STK32B: variants seen among roughly 807,000 people sequenced by gnomAD.
STK32B encodes the protein serine/threonine kinase 32B.
A neutral mutation model predicts 52.6 loss-of-function variants in STK32B; 43 were observed. That is an observed-to-expected ratio of 0.82 (90% CI 0.64 to 1.05). The LOEUF is 1.05. STK32B is among the 50% of genes least tolerant of loss of function. STK32B has a pLI of 0.00. For synonymous variants in STK32B, 238 were observed against 204.3 expected, an observed-to-expected ratio of 1.17 and a Z score of -1.41; for missense variants, 621 against 534.6, an observed-to-expected ratio of 1.16 and a Z score of -1.59.
chr4:5,099,676 A>T (rs1713617203), intron 1 of STK32B, among the ~76,000 whole-genome samples: 1 of 152,174 alleles, frequency 6.6e-6, no homozygotes, highest in African/African-American at 2.4e-5. Context: ...TTGGGAGAAC[A>T]TTCTAGGCAG....
At chr4:5,306,790 CA>C (rs1418579086) in intron 3 of STK32B, among the ~76,000 whole-genome samples, 1 of 152,104 alleles carries the variant, frequency 6.6e-6, no homozygotes, top group Non-Finnish European at 1.5e-5. Context: ...GGATTTGTTT[CA>C]AGATTTAGAG....
In STK32B at chr4:5,099,208, C is replaced by A. The variant is rs561720650; in HGVS notation, c.53-40697C>A. 2.6e-5 allele frequency among the ~76,000 whole-genome samples: 4 copies of A among 152,256 alleles called. No individual in the cohort carries two copies. The East Asian group carries it at 5.8e-4, about 22-fold the overall frequency. On this transcript the variant is annotated intron_variant, in intron 1 of 11. Coordinates refer to ENST00000282908, the MANE Select transcript of STK32B (RefSeq NM_018401.3). ...CCCATCACGCTGACTCAGACCCTTA[C>A]AATTCCATGGGGTCCACTCAAATAA...
chr4:5,499,036 A>G lies in STK32B; in HGVS notation c.1198A>G (p.Asn400Asp), dbSNP rs1560100704. 4 of 1,613,722 alleles carry G rather than the reference A, an allele frequency of 2.5e-6. No homozygotes were observed. Among genetic ancestry groups the G allele is most frequent in the Non-Finnish European group, 3.4e-6 (4 of 1,179,776 alleles). The change falls in exon 12 of 12, where the codon AAC becomes GAC. Residue 400 changes from asparagine to aspartate, a missense_variant. Physicochemically the swap from Asn to Asp is conservative, Grantham distance 23. Transcript: ENST00000282908. ...CCAAAGCAAGCTCCAGGACGGGTGC[A>G]ACAACAACCTCCTCACCCACACCTG... ...QAQSKLQDGC[N>D]NNLLTHTCTR...
chr4:5,134,020 C>G (rs1715923620), intron 1 of STK32B, among the ~76,000 whole-genome samples: 2 of 152,166 alleles, frequency 1.3e-5, no homozygotes, highest in Non-Finnish European at 2.9e-5. Context: ...CATGGCCTGA[C>G]TCTCTCCCCA....
intron 3 of STK32B, among the ~76,000 whole-genome samples, chr4:5,171,930 C>T (rs1719405373): frequency 6.6e-6 from 1 of 151,596 alleles, no homozygotes; most frequent in Non-Finnish European, 1.5e-5. Flanking sequence ...TTGATTCTTC[C>T]TACCCATGAG....
At chr4:5,283,569 C>T (rs1272536922) in intron 3 of STK32B, among the ~76,000 whole-genome samples, 6 of 152,028 alleles carry the variant, frequency 3.9e-5, no homozygotes, top group Non-Finnish European at 7.4e-5. Flanking sequence ...AAATTAAACA[C>T]AAAGAATACT....
chr4:5,191,714 T>C (rs953793403), intron 3 of STK32B, among the ~76,000 whole-genome samples: 12 of 152,160 alleles, frequency 7.9e-5, no homozygotes, highest in African/African-American at 2.9e-4. Flanking sequence ...CGGCTGAGAA[T>C]TGGGCCCAAG....
At chr4:5,069,157 T>C (rs1272164974) in intron 1 of STK32B, among the ~76,000 whole-genome samples, 2 of 150,598 alleles carry the variant, frequency 1.3e-5, no homozygotes, top group Admixed American at 1.3e-4. Context: ...AGCTTAGGGG[T>C]TTGTGTTTTA....
At chr4:5,203,396 C>T (rs1722308843) in intron 3 of STK32B, among the ~76,000 whole-genome samples, 2 of 152,264 alleles carry the variant, frequency 1.3e-5, no homozygotes, top group South Asian at 2.1e-4. Context: ...TCTTTCCCCT[C>T]CACACCCACT....
chr4:5,371,014 ATATATATGTG>A (rs1735199646), intron 4 of STK32B, among the ~76,000 whole-genome samples: 1 of 147,332 alleles, frequency 6.8e-6, no homozygotes. Flanking sequence ...ATATATATGT[ATATATATGTG>A]TATATATATG....
intron 6 of STK32B, among the ~76,000 whole-genome samples, chr4:5,431,265 A>G (rs1052411125): frequency 3.9e-5 from 6 of 152,148 alleles, no homozygotes; most frequent in African/African-American, 1.4e-4. Context: ...CCTGTGTGCT[A>G]CATTATAGCT....
rs545975750 is a variant in STK32B, at chr4:5,130,880, TTTC to T, written c.53-9017_53-9015del. On this transcript the variant is annotated intron_variant, in intron 1 of 11. Transcript: ENST00000282908. ...ACTGTTGAAGATTTTCCTGAAATCCTTTCTTCTTCTCATCCCCTGGGAAATTTT... is the reference window on the plus strand; with the variant it reads ...ACTGTTGAAGATTTTCCTGAAATCCTTTCTTCTCATCCCCTGGGAAATTTT... Among the ~76,000 whole-genome samples the T allele has an allele frequency of 1.4e-3, 219 of 152,336 alleles. 1 individual carries two copies. Among genetic ancestry groups the T allele is most frequent in the Non-Finnish European group, 2.5e-3 (168 of 68,036 alleles).
intron 6 of STK32B, among the ~76,000 whole-genome samples, chr4:5,438,365 A>G (rs1459839357): frequency 1.3e-5 from 2 of 152,242 alleles, no homozygotes; most frequent in Non-Finnish European, 2.9e-5. Context: ...CCGATGCTTA[A>G]TGAACAAGTG....
At position 5,068,730 on chromosome 4, in the gene STK32B, G is replaced by T. The variant is rs145704710; in HGVS notation, c.52+16815G>T. On this transcript the variant is annotated intron_variant, in intron 1 of 11. Coordinates refer to ENST00000282908, the MANE Select transcript of STK32B (RefSeq NM_018401.3). Reference sequence around the variant, plus strand: ...CTCTATCTTGACCATGACTTTAATAGAATTTTTTTGCAAGGAAACTTTATA... The same window carrying T: ...CTCTATCTTGACCATGACTTTAATATAATTTTTTTGCAAGGAAACTTTATA... Among the ~76,000 whole-genome samples, 14 of 152,172 alleles carry T rather than the reference G, an allele frequency of 9.2e-5. No homozygotes were observed. In the East Asian group the frequency reaches 9.6e-4, roughly 10 times the overall value.
chr4:5,155,395 CG>C (rs1560182475), intron 2 of STK32B, among the ~76,000 whole-genome samples: 2 of 152,198 alleles, frequency 1.3e-5, no homozygotes, highest in Non-Finnish European at 2.9e-5. Context: ...TCCTCTTGTT[CG>C]CTGTTTTATC....
chr4:5,427,209 T>C (rs1458158658), intron 6 of STK32B, among the ~76,000 whole-genome samples: 1 of 152,236 alleles, frequency 6.6e-6, no homozygotes, highest in Non-Finnish European at 1.5e-5. Flanking sequence ...GACTTTGAAA[T>C]GTTGAACCAG....
intron 3 of STK32B, among the ~76,000 whole-genome samples, chr4:5,329,070 C>T (rs966870939): frequency 1.3e-5 from 2 of 152,148 alleles, no homozygotes; most frequent in African/African-American, 4.8e-5. Flanking sequence ...GGAAATAGTG[C>T]CTTGAAACTG....
intron 3 of STK32B, among the ~76,000 whole-genome samples, chr4:5,177,922 TCA>T (rs1359306513): frequency 1.3e-5 from 2 of 152,224 alleles, no homozygotes; most frequent in African/African-American, 2.4e-5. Context: ...CCAGCTGTTT[TCA>T]CAGGCTGGCA....
rs893322313 is a variant in STK32B, at chr4:5,099,940, A to G, written c.53-39965A>G. Among the ~76,000 whole-genome samples, 16 of 152,270 alleles carry G rather than the reference A, an allele frequency of 1.1e-4. No individual in the cohort carries two copies. The East Asian group carries it at 2.3e-3, about 22-fold the overall frequency. On this transcript the variant is annotated intron_variant, in intron 1 of 11. Transcript: ENST00000282908. ...ATGCTTGGTTTTCTGAAGAAGCCAG[A>G]AATCTGCATCTTTATTTGAGATGTT...
Sources: allele counts gnomAD v4.1 joint callset (sites outside exome capture counted in the v4.1 genomes callset), GRCh38; gene constraint gnomAD v4.1.1; transcripts MANE v1.5; gene names NCBI Gene and HGNC (gene_info 2026-07-23, HGNC 2026-07-21).